The following SHANK2 variants were observed in gnomAD, a reference collection of about 807,000 sequenced individuals.
SHANK2 encodes SH3 and multiple ankyrin repeat domains protein 2.
SHANK2 carries 43 observed loss-of-function variants against 133.7 expected under a neutral mutation model. The ratio of observed to expected loss-of-function variants is 0.32; its 90% CI spans 0.25 to 0.41. The LOEUF is 0.41. SHANK2 is among the 10% of genes least tolerant of loss of function. The probability of loss-of-function intolerance (pLI) is 1.00; values close to 1 mark genes in which losing one functional copy is unlikely to be tolerated. For missense variants in SHANK2, 1,994 were observed against 2,235.8 expected, an observed-to-expected ratio of 0.89 and a Z score of 2.18; for synonymous variants, 1,017 against 952.8, an observed-to-expected ratio of 1.07 and a Z score of -1.24.
At chr11:70,784,343 G>GTT (rs71049942) in intron 14 of SHANK2, among the ~76,000 whole-genome samples, 2,021 of 42,822 alleles carry the variant, frequency 0.047, 494 homozygotes, top group East Asian at 0.084. Context: ...ACACCGGCTA[G>GTT]TTTTTTTTTT....
intron 14 of SHANK2, among the ~76,000 whole-genome samples, chr11:70,792,480 C>T (rs782777535): frequency 3.2e-4 from 48 of 152,192 alleles, no homozygotes; most frequent in Non-Finnish European, 8.8e-5. Context: ...TGTTTGTTAT[C>T]CCCAACCTCC....
At position 70,637,927 on chromosome 11, in the gene SHANK2, C is replaced by T. The variant is rs540374660; in HGVS notation, c.2061+21901G>A. Among the ~76,000 whole-genome samples, 6 of 152,254 alleles carry T rather than the reference C, an allele frequency of 3.9e-5. No homozygotes were observed. In the East Asian group the frequency reaches 9.7e-4, roughly 25 times the overall value. ...CCACAGCTCACGCCAAGCCGGCTTC[C>T]GCTCTGTCCATCAATTCAGGCCCAC... On this transcript the variant is annotated intron_variant, in intron 17 of 25. Coordinates refer to ENST00000601538, the MANE Select transcript of SHANK2 (RefSeq NM_012309.5).
chr11:70,539,009 A>C (rs1158872485), intron 17 of SHANK2, among the ~76,000 whole-genome samples: 2 of 152,260 alleles, frequency 1.3e-5, no homozygotes, highest in Admixed American at 1.3e-4. Context: ...CTAGGCTTGC[A>C]GAACTACTCT....
At chr11:70,510,140 C>T (rs548404489) in intron 17 of SHANK2, among the ~76,000 whole-genome samples, 1 of 152,144 alleles carries the variant, frequency 6.6e-6, no homozygotes, top group Non-Finnish European at 1.5e-5. Context: ...GAGGCAGGGA[C>T]TGGAGGAGCA....
chr11:71,231,028 T>A (rs1218171636), intron 1 of SHANK2, among the ~76,000 whole-genome samples: 4 of 152,118 alleles, frequency 2.6e-5, no homozygotes, highest in African/African-American at 9.7e-5. Context: ...ATAGACCCAA[T>A]GTAAAAAGCA....
At chr11:71,148,840 A>G (rs1952705697) in intron 2 of SHANK2, among the ~76,000 whole-genome samples, 1 of 152,232 alleles carries the variant, frequency 6.6e-6, no homozygotes, top group South Asian at 2.1e-4. Flanking sequence ...TTTCCAGATA[A>G]AGGCTGGAAA....
At chr11:70,531,859 T>C (rs2043334631) in intron 17 of SHANK2, among the ~76,000 whole-genome samples, 1 of 151,312 alleles carries the variant, frequency 6.6e-6, no homozygotes, top group Non-Finnish European at 1.5e-5. Context: ...CATACATTTC[T>C]TTCCTGCCTC....
intron 17 of SHANK2, among the ~76,000 whole-genome samples, chr11:70,620,006 T>C (rs1554997176): frequency 6.6e-6 from 1 of 152,166 alleles, no homozygotes; most frequent in Non-Finnish European, 1.5e-5. Flanking sequence ...GGACCTTGTT[T>C]AAGACTGGAA....
chr11:70,549,275 C>T (rs1214323796), intron 17 of SHANK2, among the ~76,000 whole-genome samples: 6 of 152,310 alleles, frequency 3.9e-5, no homozygotes, highest in Admixed American at 3.3e-4. Context: ...AAGGATTCCA[C>T]GCCGACTGAG....
rs1491563939 is a variant in SHANK2, at chr11:71,210,210, G to GTGTATATATATATATATA, written c.-13+14486_-13+14487insTATATATATATATATACA. On this transcript the variant is annotated intron_variant, in intron 2 of 25. Transcript: ENST00000601538. ...GGTCCTCTTCATTGGAAATCCACAGGTATATATATATATATATATATATAT... is the reference window on the plus strand; with the variant it reads ...GGTCCTCTTCATTGGAAATCCACAGGTGTATATATATATATATATATATATATATATATATATATATAT... 1.4e-3 allele frequency among the ~76,000 whole-genome samples: 74 copies of GTGTATATATATATATATA among 54,052 alleles called. 2 individuals are homozygous for GTGTATATATATATATATA. The highest frequency in any genetic ancestry group is 7.4e-3 in the East Asian group (7 of 944). The allele number at this position is 54,052 out of a possible 152,430, so 35.5% of individuals were successfully genotyped here. A position where few individuals can be genotyped will look rare whatever the true frequency, so the allele number is the denominator to read the frequency against.
chr11:70,724,923 T>C (rs1428089963), intron 14 of SHANK2, among the ~76,000 whole-genome samples: 3 of 152,130 alleles, frequency 2.0e-5, no homozygotes, highest in African/African-American at 7.2e-5. Context: ...ACATTTGAGA[T>C]GGGTGAGATA....
At chr11:70,693,098 T>C (rs1638925181) in intron 15 of SHANK2, among the ~76,000 whole-genome samples, 1 of 152,066 alleles carries the variant, frequency 6.6e-6, no homozygotes, top group Admixed American at 6.6e-5. Flanking sequence ...ATCCTACCCC[T>C]CAGTTCCATC....
Position 70,952,166 on chromosome 11 carries a change from C to T in SHANK2, c.1108-55599G>A, listed in dbSNP as rs187817663. On this transcript the variant is annotated intron_variant, in intron 10 of 25. Transcript: ENST00000601538. ...CAGATTTAAACCCAGGTTCTGCAGACGGGAATGCTAGGCCCCTGCTGTGCC... is the reference window on the plus strand; with the variant it reads ...CAGATTTAAACCCAGGTTCTGCAGATGGGAATGCTAGGCCCCTGCTGTGCC... Among the ~76,000 whole-genome samples the T allele has an allele frequency of 1.1e-4, 17 of 152,278 alleles. No individual in the cohort carries two copies. In the South Asian group the frequency reaches 2.3e-3, roughly 20 times the overall value.
rs555607729 is a variant in SHANK2, at chr11:70,629,508, G to A, written c.2061+30320C>T. Among the ~76,000 whole-genome samples the A allele has an allele frequency of 4.6e-5, 7 of 152,292 alleles. No homozygotes were observed. In the South Asian group the frequency reaches 1.5e-3, roughly 32 times the overall value. ...CGGGAGAGGGAGGTCTGGATCACAG[G>A]CTGCGGGCCACCGTGACCCTGGGGG... On this transcript the variant is annotated intron_variant, in intron 17 of 25. Transcript: ENST00000601538.
chr11:70,690,360 C>T (rs1446549976), intron 15 of SHANK2, among the ~76,000 whole-genome samples: 4 of 151,764 alleles, frequency 2.6e-5, no homozygotes, highest in African/African-American at 9.7e-5. Context: ...TACTCTGAAA[C>T]ACTGATAGAG....
At chr11:71,168,817 G>GGGAGAA (rs1953246719) in intron 2 of SHANK2, among the ~76,000 whole-genome samples, 4 of 151,674 alleles carry the variant, frequency 2.6e-5, no homozygotes, top group African/African-American at 9.7e-5. Flanking sequence ...CATGGGGAGA[G>GGGAGAA]GGAGAGGGAG....
chr11:70,778,362 G>A (rs1349950362), intron 14 of SHANK2, among the ~76,000 whole-genome samples: 1 of 152,210 alleles, frequency 6.6e-6, no homozygotes, highest in Non-Finnish European at 1.5e-5. Flanking sequence ...AAACTGAGAA[G>A]TCATCCACAG....
chr11:70,863,222 G>A, intron 11 of SHANK2: 1 of 419,590 alleles, frequency 2.4e-6, no homozygotes, highest in South Asian at 1.7e-5. Context: ...GGGTTGAGTG[G>A]CCCACTGGTG....
intron 1 of SHANK2, among the ~76,000 whole-genome samples, chr11:71,230,631 C>CA (rs370428054): frequency 0.017 from 2,302 of 136,458 alleles, 16 homozygotes; most frequent in African/African-American, 0.028. Context: ...AGTTTGCAAA[C>CA]AAAAAAAAAA....
Sources: allele counts gnomAD v4.1 joint callset (sites outside exome capture counted in the v4.1 genomes callset), GRCh38; gene constraint gnomAD v4.1.1; transcripts MANE v1.5; gene names NCBI Gene and HGNC (gene_info 2026-07-23, HGNC 2026-07-21).